The following KCNH1 variants were observed in gnomAD, a reference collection of about 807,000 sequenced individuals.
The protein encoded by KCNH1 is voltage-gated delayed rectifier potassium channel KCNH1.
KCNH1 carries 27 observed loss-of-function variants against 69.2 expected under a neutral mutation model. The observed-to-expected ratio is 0.39, with a 90% confidence interval of 0.29 to 0.54. The LOEUF is 0.54. Ranked by LOEUF, KCNH1 falls within the 20% of genes least tolerant of loss-of-function variation. KCNH1 has a pLI of 0.68. For synonymous variants in KCNH1, 456 were observed against 487.7 expected (o/e 0.93, Z 0.86); for missense variants, 798 against 1,261.6 (o/e 0.63, Z 5.57).
chr1:210,735,104 G>A (rs1465634622), intron 10 of KCNH1, among the ~76,000 whole-genome samples: 3 of 151,972 alleles, frequency 2.0e-5, no homozygotes, highest in African/African-American at 7.3e-5. Flanking sequence ...TGCACCTCAG[G>A]GCTTTGTGTG....
chr1:210,998,799 C>T (rs1689106853), intron 6 of KCNH1, among the ~76,000 whole-genome samples: 2 of 152,060 alleles, frequency 1.3e-5, no homozygotes. Flanking sequence ...GAACAGAAAT[C>T]ACAACAAACT....
At chr1:210,980,429 T>C (rs1016514220) in intron 6 of KCNH1, among the ~76,000 whole-genome samples, 1 of 152,180 alleles carries the variant, frequency 6.6e-6, no homozygotes, top group Non-Finnish European at 1.5e-5. Context: ...CAGCATGATA[T>C]TGAGAGCCTG....
At chr1:210,788,456 A>G (rs538826716) in intron 9 of KCNH1, among the ~76,000 whole-genome samples, 2 of 152,306 alleles carry the variant, frequency 1.3e-5, no homozygotes, top group Admixed American at 1.3e-4. Context: ...CTCTGTCTAG[A>G]CACTATAAAG....
intron 5 of KCNH1, among the ~76,000 whole-genome samples, chr1:211,047,874 A>G (rs1690120849): frequency 6.6e-6 from 1 of 152,194 alleles, no homozygotes; most frequent in South Asian, 2.1e-4. Flanking sequence ...AAAAAATCCT[A>G]TCAAAAAGTG....
chr1:211,099,778 G>A (rs932679782), intron 3 of KCNH1, among the ~76,000 whole-genome samples: 1 of 152,160 alleles, frequency 6.6e-6, no homozygotes, highest in East Asian at 1.9e-4. Flanking sequence ...GTTCCTGACT[G>A]GAACGCAGGG....
rs766805459 is a variant in KCNH1 at position 211,018,779 on chromosome 1, G to A, written c.1032+4C>T. ...CAACAAGGTCTGAGATTTGAGGGAT[G>A]TACCTGACTCTCTCTCCCCTCCAGT... On this transcript the variant is annotated splice_donor_region_variant and intron_variant, in intron 6 of 10. Transcript: ENST00000271751. 9 of 1,590,564 alleles carry A rather than the reference G, an allele frequency of 5.7e-6. No homozygotes were observed. The highest frequency in any genetic ancestry group is 6.9e-6 in the Non-Finnish European group (8 of 1,166,980).
At chr1:211,124,180 T>G (rs1188801158) in intron 1 of KCNH1, among the ~76,000 whole-genome samples, 3 of 152,082 alleles carry the variant, frequency 2.0e-5, no homozygotes, top group Non-Finnish European at 4.4e-5. Flanking sequence ...AAGATGGAAA[T>G]GGAACATGAA....
intron 7 of KCNH1, chr1:210,861,874 T>C (rs1269629739): frequency 2.6e-6 from 2 of 763,270 alleles, no homozygotes; most frequent in Non-Finnish European, 4.9e-6. Flanking sequence ...GTTATCACAC[T>C]GAAGATAAAA....
At chr1:210,726,754 A>C (rs1443358304) in intron 10 of KCNH1, among the ~76,000 whole-genome samples, 1 of 152,186 alleles carries the variant, frequency 6.6e-6, no homozygotes, top group Non-Finnish European at 1.5e-5. Flanking sequence ...GTGAACCCCA[A>C]ACAGGGTGAG....
chr1:210,938,863 T>C (rs1216647649), intron 6 of KCNH1, among the ~76,000 whole-genome samples: 1 of 152,234 alleles, frequency 6.6e-6, no homozygotes, highest in Non-Finnish European at 1.5e-5. Flanking sequence ...ATCTCCAGAA[T>C]AGTGTCACTC....
At chr1:210,740,525 G>T (rs899306126) in intron 10 of KCNH1, among the ~76,000 whole-genome samples, 4 of 151,842 alleles carry the variant, frequency 2.6e-5, no homozygotes, top group African/African-American at 9.7e-5. Flanking sequence ...CTTATACTCT[G>T]CCAGAAGCTG....
At chr1:211,018,603 A>G (rs1432931351) in intron 6 of KCNH1, among the ~76,000 whole-genome samples, 180 bp downstream of exon 6, 1 of 152,196 alleles carries the variant, frequency 6.6e-6, no homozygotes, top group Non-Finnish European at 1.5e-5. Flanking sequence ...ACTGTCATGC[A>G]GGGCCTCCAA....
At chr1:210,778,378 CTGGGCA>C (rs1683902154) in intron 9 of KCNH1, among the ~76,000 whole-genome samples, 1 of 152,086 alleles carries the variant, frequency 6.6e-6, no homozygotes, top group Non-Finnish European at 1.5e-5. Context: ...TAAAAAATAG[CTGGGCA>C]TGGTGGCATG....
In KCNH1 at chr1:211,018,922, A is replaced by G. The variant is rs1689542213; in HGVS notation, c.893T>C (p.Ile298Thr). Reference protein sequence around the residue: ...RMNYLKTWFVIDLLSCLPYDV... With the variant: ...RMNYLKTWFVTDLLSCLPYDV... ...ATATGGCAAACAGGACAGAAGGTCAATCACAAACCACGTCTTCAGGTAGTT... is the reference window on the plus strand; with the variant it reads ...ATATGGCAAACAGGACAGAAGGTCAGTCACAAACCACGTCTTCAGGTAGTT... Residue 298 changes from isoleucine (I) to threonine (T), a missense_variant, in exon 6 of 11, where the codon ATT (isoleucine) becomes ACT (threonine). Transcript: ENST00000271751. 1 of 1,614,108 alleles carries G rather than the reference A, an allele frequency of 6.2e-7. No homozygotes were observed. The highest frequency in any genetic ancestry group is 8.5e-7 in the Non-Finnish European group (1 of 1,179,990).
chr1:210,853,275 T>C (rs1251614989), intron 7 of KCNH1, among the ~76,000 whole-genome samples: 1 of 152,084 alleles, frequency 6.6e-6, no homozygotes, highest in Non-Finnish European at 1.5e-5. Context: ...AGAGATCACA[T>C]CTAAAGCCCC....
intron 1 of KCNH1, among the ~76,000 whole-genome samples, chr1:211,110,666 G>A (rs938186942): frequency 7.2e-5 from 11 of 152,050 alleles, no homozygotes; most frequent in African/African-American, 2.4e-4. Context: ...AGTTTAGGGA[G>A]AGCAAAGAGA....
chr1:210,737,884 C>A (rs953090518), intron 10 of KCNH1, among the ~76,000 whole-genome samples: 1 of 152,176 alleles, frequency 6.6e-6, no homozygotes, highest in Non-Finnish European at 1.5e-5. Flanking sequence ...CTGTTTCTAC[C>A]CTTGTCCCAC....
At chr1:210,745,116 A>G (rs1026258106) in intron 10 of KCNH1, among the ~76,000 whole-genome samples, 4 of 152,222 alleles carry the variant, frequency 2.6e-5, no homozygotes, top group African/African-American at 9.7e-5. Flanking sequence ...AGACACAAGA[A>G]TCGCTTGAAC....
intron 9 of KCNH1, among the ~76,000 whole-genome samples, chr1:210,780,939 T>G (rs374366895): frequency 6.6e-6 from 1 of 151,966 alleles, no homozygotes; most frequent in Non-Finnish European, 1.5e-5. Context: ...CCCAGCTACT[T>G]GGGAGGCTGA....
Sources: gnomAD v4.1 joint callset for allele counts (sites outside exome capture counted in the v4.1 genomes callset) on GRCh38, gnomAD v4.1.1 for gene constraint, MANE v1.5 for transcripts, NCBI Gene and HGNC (gene_info 2026-07-23, HGNC 2026-07-21) for gene names.